The following TMPRSS15 variants were observed in gnomAD, a reference collection of about 807,000 sequenced individuals.
TMPRSS15 encodes transmembrane serine protease 15, also known as enteropeptidase.
Under a neutral mutation model 125.3 loss-of-function variants are expected in TMPRSS15, and 128 were observed. The ratio of observed to expected loss-of-function variants is 1.02; its 90% CI spans 0.89 to 1.18. The LOEUF is 1.18. TMPRSS15 is among the 50% of genes most tolerant of loss of function. The pLI, the probability that TMPRSS15 is intolerant of heterozygous loss-of-function variation, is 0.00. For synonymous variants in TMPRSS15, 446 were observed against 423.2 expected (o/e 1.05, Z -0.66); for missense variants, 1,283 against 1,212.7 (o/e 1.06, Z -0.86).
chr21:18,293,027 T>C (rs550806741), intron 21 of TMPRSS15, among the ~76,000 whole-genome samples: 4 of 152,180 alleles, frequency 2.6e-5, no homozygotes, highest in Non-Finnish European at 5.9e-5. Context: ...GTAGCTCCTT[T>C]GGAGACCAGC....
At chr21:18,361,426 C>T (rs889962620) in intron 7 of TMPRSS15, among the ~76,000 whole-genome samples, 1 of 152,036 alleles carries the variant, frequency 6.6e-6, no homozygotes, top group African/African-American at 2.4e-5. Context: ...ATTAAAAAGG[C>T]TAGTAATACT....
chr21:18,341,052 T>C (rs998245979), intron 13 of TMPRSS15, among the ~76,000 whole-genome samples: 4 of 152,062 alleles, frequency 2.6e-5, no homozygotes, highest in South Asian at 2.1e-4. Flanking sequence ...AAAATAATTA[T>C]TGTTTTTTGT....
chr21:18,368,134 C>A (rs936249090), intron 6 of TMPRSS15, among the ~76,000 whole-genome samples: 1 of 152,144 alleles, frequency 6.6e-6, no homozygotes, highest in Non-Finnish European at 1.5e-5. Flanking sequence ...AAAACAAGAT[C>A]CCTTTAAGCA....
At chr21:18,468,006 A>G (rs2123280151) in intron 1 of TMPRSS15, among the ~76,000 whole-genome samples, 1 of 152,192 alleles carries the variant, frequency 6.6e-6, no homozygotes, top group South Asian at 2.1e-4. Context: ...GAGAAAGAGA[A>G]CTTTTGAAAG....
rs116500713 is a variant in TMPRSS15, at chr21:18,341,744, C to T, written c.1429-196G>A. 4.0e-3 allele frequency among the ~76,000 whole-genome samples: 607 copies of T among 152,256 alleles called. 2 individuals are homozygous for T. The highest frequency in any genetic ancestry group is 0.014 in the African/African-American group (584 of 41,532). On this transcript the variant is annotated intron_variant, in intron 12 of 24. Transcript: ENST00000284885. ...AAATTCTTCTGCTGAACCCAACCCCCTTATTATGTGTTCACACTGGCTAAA... is the reference window on the plus strand; with the variant it reads ...AAATTCTTCTGCTGAACCCAACCCCTTTATTATGTGTTCACACTGGCTAAA...
At chr21:18,293,325 C>G (rs1018405061) in intron 21 of TMPRSS15, among the ~76,000 whole-genome samples, 1 of 152,116 alleles carries the variant, frequency 6.6e-6, no homozygotes, top group Non-Finnish European at 1.5e-5. Flanking sequence ...GTTCTTTCCT[C>G]GTCAATGCCT....
chr21:18,347,057 T>G (rs1328644403), intron 10 of TMPRSS15, among the ~76,000 whole-genome samples: 2 of 152,164 alleles, frequency 1.3e-5, no homozygotes, highest in African/African-American at 4.8e-5. Flanking sequence ...TTTTCTCTTT[T>G]ACCTCCTTCC....
chr21:18,286,502 C>A (rs1218048361), intron 21 of TMPRSS15, among the ~76,000 whole-genome samples: 1 of 152,180 alleles, frequency 6.6e-6, no homozygotes, highest in African/African-American at 2.4e-5. Flanking sequence ...AATCTGATTT[C>A]TTCCTGTTTT....
intron 1 of TMPRSS15, among the ~76,000 whole-genome samples, chr21:18,456,522 GACCTGAAGAGGGCT>G (rs772968180): frequency 1.3e-5 from 2 of 152,014 alleles, no homozygotes; most frequent in Non-Finnish European, 2.9e-5. Context: ...TTTGAGACTA[GACCTGAAGAGGGCT>G]ACCTAGTTTC....
At chr21:18,278,293 G>A (rs111838812) in intron 23 of TMPRSS15, among the ~76,000 whole-genome samples, 32 of 152,186 alleles carry the variant, frequency 2.1e-4, no homozygotes, top group African/African-American at 7.2e-4. Flanking sequence ...TCATTTTAAT[G>A]AGGCTTTTAA....
intron 16 of TMPRSS15, among the ~76,000 whole-genome samples, chr21:18,323,766 C>T (rs2075263668): frequency 6.6e-6 from 1 of 152,046 alleles, no homozygotes; most frequent in Non-Finnish European, 1.5e-5. Flanking sequence ...AGGATGGCCT[C>T]CAGTAGAATA....
intron 13 of TMPRSS15, among the ~76,000 whole-genome samples, chr21:18,333,241 G>A (rs146542011): frequency 2.6e-4 from 39 of 152,072 alleles, no homozygotes; most frequent in Non-Finnish European, 3.8e-4. Flanking sequence ...TCCCCTGAAC[G>A]TAAAAGTAAA....
Position 18,275,278 on chromosome 21 carries a change from G to A in TMPRSS15, c.2823C>T (p.Cys941=). The change falls in exon 24 of 25, where the codon TGC becomes TGT. Residue 941 remains cysteine, a synonymous_variant. Transcript: ENST00000284885. ...ADVPLLSNER[C]QQQMPEYNIT... is the part of the protein sequence containing the mutation. The stretch of plus-strand genomic sequence containing the variant: ...TGTTATATTCTGGCATCTGCTGTTG[G>A]CATCTCTCATTTGATAGAAGAGGAA... 1.2e-6 allele frequency: 2 copies of A among 1,613,930 alleles called. No homozygotes were observed. The highest frequency in any genetic ancestry group is 1.7e-6 in the Non-Finnish European group (2 of 1,179,958).
chr21:18,327,187 C>A (rs1311893968), intron 15 of TMPRSS15, among the ~76,000 whole-genome samples: 1 of 152,106 alleles, frequency 6.6e-6, no homozygotes, highest in Admixed American at 6.5e-5. Flanking sequence ...TTTCAAAAGA[C>A]CTTCCTGCCT....
At chr21:18,397,743 C>T (rs982260976) in intron 3 of TMPRSS15, 136 bp downstream of exon 3, 70 of 529,184 alleles carry the variant, frequency 1.3e-4, no homozygotes, top group African/African-American at 1.2e-3. Flanking sequence ...TATGCTGTGC[C>T]ACTTTGCTTA....
At chr21:18,278,893 A>C in intron 23 of TMPRSS15, 71 bp downstream of exon 23, 2 of 798,146 alleles carry the variant, frequency 2.5e-6, no homozygotes, top group Non-Finnish European at 4.1e-6. Flanking sequence ...CATTCACAGG[A>C]TATTATGACA....
At chr21:18,278,566 A>C (rs1207107282) in intron 23 of TMPRSS15, among the ~76,000 whole-genome samples, 1 of 150,456 alleles carries the variant, frequency 6.6e-6, no homozygotes, top group African/African-American at 2.5e-5. Flanking sequence ...AAAAATACAA[A>C]AAAAATTAGC....
Position 18,282,075 on chromosome 21 carries a change from G to A in TMPRSS15, c.2487-854C>T, listed in dbSNP as rs546059721. ...ATTGCGCCACTGCACTCCAGCCTGG[G>A]AGACAAAGCAAGACTCCGCCTCAAA... is the stretch of plus-strand genomic sequence containing the variant. On this transcript the variant is annotated intron_variant, in intron 21 of 24. Coordinates refer to ENST00000284885, the MANE Select transcript of TMPRSS15 (RefSeq NM_002772.3). 1.1e-3 allele frequency among the ~76,000 whole-genome samples: 119 copies of A among 111,370 alleles called. 2 individuals carry two copies. Among genetic ancestry groups the A allele is most frequent in the South Asian group, 5.3e-3 (18 of 3,388 alleles). The allele number at this position is 111,370 out of a possible 152,430, so 73.1% of individuals were successfully genotyped here. A position where few individuals can be genotyped will look rare whatever the true frequency, so the allele number is the denominator to read the frequency against.
chr21:18,273,977 T>A (rs866768520), intron 24 of TMPRSS15, among the ~76,000 whole-genome samples: 70 of 152,300 alleles, frequency 4.6e-4, no homozygotes, highest in African/African-American at 1.6e-3. Flanking sequence ...GTATGACATA[T>A]ATGTGTTAAT....
Sources: gnomAD v4.1 joint callset for allele counts (sites outside exome capture counted in the v4.1 genomes callset) on GRCh38, gnomAD v4.1.1 for gene constraint, MANE v1.5 for transcripts, NCBI Gene and HGNC (gene_info 2026-07-23, HGNC 2026-07-21) for gene names.